NALF1: variants seen among roughly 807,000 people sequenced by gnomAD.
The protein encoded by NALF1 is NALCN channel auxiliary factor 1, also known as family with sequence similarity 155 member A.
NALF1 carries 3 observed loss-of-function variants against 48.4 expected under a neutral mutation model. The observed-to-expected ratio is 0.06, with a 90% CI of 0.03 to 0.16. NALF1 has a LOEUF of 0.16. NALF1 is among the 10% of genes least tolerant of loss of function. NALF1 has a pLI of 1.00. For synonymous variants in NALF1, 262 were observed against 245.7 expected (o/e 1.07, Z -0.62); for missense variants, 526 against 571.5 (o/e 0.92, Z 0.81).
chr13:107,225,459 T>C (rs537668884), intron 1 of NALF1, among the ~76,000 whole-genome samples: 1 of 152,294 alleles, frequency 6.6e-6, no homozygotes, highest in East Asian at 1.9e-4. Context: ...AAATTTTTAA[T>C]AGAGATAGGA....
At chr13:107,414,827 G>A (rs1386657308) in intron 1 of NALF1, among the ~76,000 whole-genome samples, 4 of 152,024 alleles carry the variant, frequency 2.6e-5, no homozygotes, top group African/African-American at 9.7e-5. Context: ...GTGTGTGTGT[G>A]TGTGTATGTG....
intron 1 of NALF1, among the ~76,000 whole-genome samples, chr13:107,218,612 A>AAAAC (rs10656451): frequency 0.57 from 85,566 of 151,404 alleles, 24,615 homozygotes; most frequent in East Asian, 0.77. Context: ...GCCGAAAACA[A>AAAAC]AAACAAACAA....
intron 1 of NALF1, among the ~76,000 whole-genome samples, chr13:107,442,898 A>G (rs897426925): frequency 1.3e-5 from 2 of 152,224 alleles, no homozygotes; most frequent in African/African-American, 4.8e-5. Context: ...GCAGACTCAT[A>G]TAACGCAAGA....
intron 2 of NALF1, among the ~76,000 whole-genome samples, chr13:107,179,929 A>T (rs1343243858): frequency 1.4e-5 from 2 of 142,920 alleles, no homozygotes; most frequent in Non-Finnish European, 1.5e-5. Context: ...GCACCAGCAT[A>T]TTGGATCCCA....
chr13:107,479,891 TCA>T (rs1049175681), intron 1 of NALF1, among the ~76,000 whole-genome samples: 1 of 152,062 alleles, frequency 6.6e-6, no homozygotes, highest in Non-Finnish European at 1.5e-5. Context: ...TTTTTGAAAG[TCA>T]CACACAGTTA....
chr13:107,214,916 G>A (rs1033072347), intron 1 of NALF1, among the ~76,000 whole-genome samples: 1 of 152,184 alleles, frequency 6.6e-6, no homozygotes, highest in African/African-American at 2.4e-5. Context: ...AACGTATACA[G>A]GGAAATTAGG....
intron 1 of NALF1, among the ~76,000 whole-genome samples, chr13:107,650,705 C>T (rs1880430889): frequency 6.6e-6 from 1 of 151,964 alleles, no homozygotes; most frequent in South Asian, 2.1e-4. Flanking sequence ...CCAAATGCTA[C>T]CTGTACCCCA....
At position 107,362,532 on chromosome 13, in the gene NALF1, G is replaced by T. The variant is rs368322506; in HGVS notation, c.916-151777C>A. ...ACTTGGCATTCTCCTGTGTGTCCTCGTCGCGGGGCATTCTCCTCTCCTTAT... is the reference window on the plus strand; with the variant it reads ...ACTTGGCATTCTCCTGTGTGTCCTCTTCGCGGGGCATTCTCCTCTCCTTAT... On this transcript the variant is annotated intron_variant, in intron 1 of 2. Transcript: ENST00000375915. The surrounding 1 kb of genome is among the most constrained non-coding windows in gnomAD (Gnocchi z 4.6). Among the ~76,000 whole-genome samples the T allele has an allele frequency of 3.1e-4, 47 of 152,164 alleles. No homozygotes were observed. Among genetic ancestry groups the T allele is most frequent in the African/African-American group, 1.1e-3 (45 of 41,534 alleles).
chr13:107,627,811 T>C (rs1045121367), intron 1 of NALF1, among the ~76,000 whole-genome samples: 4 of 152,094 alleles, frequency 2.6e-5, no homozygotes, highest in Non-Finnish European at 5.9e-5. Flanking sequence ...TAAATACTTC[T>C]GTAGATTTGC....
At chr13:107,644,418 G>A (rs1198701489) in intron 1 of NALF1, among the ~76,000 whole-genome samples, 5 of 147,880 alleles carry the variant, frequency 3.4e-5, no homozygotes, top group Non-Finnish European at 7.4e-5. Context: ...CGGAAACTCA[G>A]GTTAAAAAAA....
At chr13:107,694,161 CTGTT>C (rs1317241955) in intron 1 of NALF1, among the ~76,000 whole-genome samples, 2 of 152,154 alleles carry the variant, frequency 1.3e-5, no homozygotes, top group Admixed American at 6.6e-5. Flanking sequence ...TTACAAACAG[CTGTT>C]AAAGCTAGAA....
chr13:107,691,283 C>G (rs1366314052), intron 1 of NALF1, among the ~76,000 whole-genome samples: 2 of 152,168 alleles, frequency 1.3e-5, no homozygotes, highest in African/African-American at 4.8e-5. Flanking sequence ...CCAACCCTGC[C>G]AGCACCTTGA....
chr13:107,424,423 G>A (rs1371422322), intron 1 of NALF1, among the ~76,000 whole-genome samples: 1 of 152,116 alleles, frequency 6.6e-6, no homozygotes, highest in Non-Finnish European at 1.5e-5. Flanking sequence ...ACAGGCAGGA[G>A]CCACCGCCCC....
chr13:107,722,992 C>T (rs769456305), intron 1 of NALF1, among the ~76,000 whole-genome samples: 5 of 152,150 alleles, frequency 3.3e-5, no homozygotes, highest in Non-Finnish European at 7.3e-5. Flanking sequence ...GAATTTTCCA[C>T]GTATTTATCA....
chr13:107,471,800 C>T (rs1182096747), intron 1 of NALF1, among the ~76,000 whole-genome samples: 1 of 152,116 alleles, frequency 6.6e-6, no homozygotes, highest in African/African-American at 2.4e-5. Context: ...TGGGGTATCC[C>T]TGTGGCACTT....
intron 1 of NALF1, among the ~76,000 whole-genome samples, chr13:107,508,737 A>AGT (rs1875781577): frequency 2.6e-5 from 4 of 152,110 alleles, no homozygotes; most frequent in Non-Finnish European, 5.9e-5. Context: ...GCTTGCAACT[A>AGT]CGCACACGCC....
intron 1 of NALF1, among the ~76,000 whole-genome samples, chr13:107,482,426 A>G (rs1356670226): frequency 2.0e-5 from 3 of 151,924 alleles, no homozygotes; most frequent in African/African-American, 7.3e-5. Flanking sequence ...TGAGGATGTT[A>G]CTCCTCAATG....
chr13:107,538,477 A>C (rs1160279882), intron 1 of NALF1, among the ~76,000 whole-genome samples: 1 of 152,190 alleles, frequency 6.6e-6, no homozygotes, highest in Non-Finnish European at 1.5e-5. Flanking sequence ...CTCAGGTTAA[A>C]TTACCTTTCA....
chr13:107,454,402 T>C (rs1311502129), intron 1 of NALF1, among the ~76,000 whole-genome samples: 1 of 152,162 alleles, frequency 6.6e-6, no homozygotes, highest in Non-Finnish European at 1.5e-5. Flanking sequence ...CCTTCTTCAC[T>C]AGGTGGCTAG....
Sources: allele counts gnomAD v4.1 joint callset (sites outside exome capture counted in the v4.1 genomes callset), GRCh38; gene constraint gnomAD v4.1.1; non-coding constraint Gnocchi (gnomAD v3.1); transcripts MANE v1.5; gene names NCBI Gene and HGNC (gene_info 2026-07-23, HGNC 2026-07-21).